Variants in RIT2 observed in about 807,000 individuals in gnomAD.
The protein encoded by RIT2 is Ras like without CAAX 2, also known as GTP-binding protein Rit2.
In RIT2, 24 loss-of-function variants were observed where a neutral mutation model predicts 23.7. The observed-to-expected ratio is 1.01, with a 90% CI of 0.73 to 1.43. RIT2 has a LOEUF of 1.43. RIT2 is among the 40% of genes most tolerant of loss of function. RIT2 has a pLI of 0.00. For missense variants in RIT2, 236 were observed against 266.9 expected (o/e 0.88, Z 0.81); for synonymous variants, 107 against 91.1 (o/e 1.17, Z -0.99).
At chr18:43,000,539 G>A (rs1911079517) in intron 2 of RIT2, among the ~76,000 whole-genome samples, 2 of 152,106 alleles carry the variant, frequency 1.3e-5, no homozygotes, top group East Asian at 3.9e-4. Flanking sequence ...CTATTGATAA[G>A]TGATATGGTT....
At chr18:42,882,672 T>TGCTTAGAG (rs1907925565) in intron 4 of RIT2, among the ~76,000 whole-genome samples, 1 of 152,188 alleles carries the variant, frequency 6.6e-6, no homozygotes, top group African/African-American at 2.4e-5. Context: ...TATGGGTCAA[T>TGCTTAGAG]CAGTGAAACT....
intron 4 of RIT2, among the ~76,000 whole-genome samples, chr18:42,799,522 T>C (rs1033799957): frequency 2.0e-5 from 3 of 152,222 alleles, no homozygotes; most frequent in African/African-American, 7.2e-5. Flanking sequence ...TAGTTACTTT[T>C]TTTCTCTCTC....
chr18:42,885,257 A>G (rs553954412), intron 4 of RIT2, among the ~76,000 whole-genome samples: 1 of 152,328 alleles, frequency 6.6e-6, no homozygotes, highest in Admixed American at 6.5e-5. Flanking sequence ...CAATAAAAAC[A>G]TTAATTACTA....
At chr18:43,012,372 T>C (rs4426437) in intron 2 of RIT2, among the ~76,000 whole-genome samples, 20,394 of 151,806 alleles carry the variant, frequency 0.13, 1,568 homozygotes, top group African/African-American at 0.2. Flanking sequence ...TATGAACTTT[T>C]CAGCACTGCA....
At chr18:42,810,721 A>C (rs557087894) in intron 4 of RIT2, among the ~76,000 whole-genome samples, 15 of 152,070 alleles carry the variant, frequency 9.9e-5, no homozygotes, top group South Asian at 6.2e-4. Flanking sequence ...CTTCAAGAGG[A>C]GAATAGGTGC....
intron 4 of RIT2, among the ~76,000 whole-genome samples, chr18:42,861,991 G>C (rs907861237): frequency 1.3e-5 from 2 of 152,180 alleles, no homozygotes; most frequent in Admixed American, 6.5e-5. Flanking sequence ...CTGGATGTTT[G>C]ATATTTAAGC....
At chr18:43,038,710 A>T (rs1419640223) in intron 1 of RIT2, among the ~76,000 whole-genome samples, 2 of 152,126 alleles carry the variant, frequency 1.3e-5, no homozygotes, top group Admixed American at 1.3e-4. Flanking sequence ...CTTGTAGTAC[A>T]TGTCAATGCT....
At chr18:42,961,451 T>C (rs1910091539) in intron 3 of RIT2, among the ~76,000 whole-genome samples, 1 of 152,198 alleles carries the variant, frequency 6.6e-6, no homozygotes, top group Non-Finnish European at 1.5e-5. Context: ...TGGACTCTTA[T>C]CAAGACTCAG....
intron 1 of RIT2, among the ~76,000 whole-genome samples, chr18:43,111,044 A>G (rs569378502): frequency 6.6e-6 from 1 of 152,280 alleles, no homozygotes; most frequent in South Asian, 2.1e-4. Context: ...TTTGGAAGTA[A>G]CTTAAGTGTC....
chr18:42,981,259 T>A (rs1460736942), intron 2 of RIT2, among the ~76,000 whole-genome samples: 1 of 152,156 alleles, frequency 6.6e-6, no homozygotes, highest in East Asian at 1.9e-4. Flanking sequence ...CCTAAGACCA[T>A]GATCTCTGCA....
chr18:43,084,001 T>C (rs755876506), intron 1 of RIT2, among the ~76,000 whole-genome samples: 1 of 152,140 alleles, frequency 6.6e-6, no homozygotes. Flanking sequence ...AAAGATCTAA[T>C]ATCCAGAATC....
chr18:42,901,630 A>T (rs1279876758), intron 4 of RIT2, among the ~76,000 whole-genome samples: 3 of 152,066 alleles, frequency 2.0e-5, no homozygotes, highest in Admixed American at 2.0e-4. Flanking sequence ...GTCACCATTT[A>T]AAAAATCTGT....
intron 1 of RIT2, among the ~76,000 whole-genome samples, chr18:43,053,796 G>A (rs973720686): frequency 5.9e-5 from 9 of 152,056 alleles, no homozygotes; most frequent in Non-Finnish European, 1.0e-4. Context: ...ATGGAGCATT[G>A]TTTTATGCTT....
intron 3 of RIT2, among the ~76,000 whole-genome samples, chr18:42,925,305 T>A (rs1438653882): frequency 6.6e-6 from 1 of 152,076 alleles, no homozygotes; most frequent in Non-Finnish European, 1.5e-5. Flanking sequence ...TGAAATCCTA[T>A]GTCGCAATCA....
intron 1 of RIT2, among the ~76,000 whole-genome samples, chr18:43,096,078 G>A (rs769519256): frequency 6.6e-6 from 1 of 151,924 alleles, no homozygotes; most frequent in Non-Finnish European, 1.5e-5. Context: ...CCGGAAAAGT[G>A]AGACTATTTC....
intron 2 of RIT2, among the ~76,000 whole-genome samples, chr18:43,003,947 G>A (rs1238651834): frequency 6.6e-6 from 1 of 151,034 alleles, no homozygotes; most frequent in Non-Finnish European, 1.5e-5. Flanking sequence ...ATGACCTTCT[G>A]TGGCAACAGG....
chr18:42,825,211 A>G (rs1906263280), intron 4 of RIT2, among the ~76,000 whole-genome samples: 1 of 151,898 alleles, frequency 6.6e-6, no homozygotes, highest in South Asian at 2.1e-4. Flanking sequence ...TATTAGTATA[A>G]GTATATGGAG....
chr18:42,995,628 T>A (rs530634789), intron 2 of RIT2, among the ~76,000 whole-genome samples: 395 of 152,290 alleles, frequency 2.6e-3, no homozygotes, highest in Admixed American at 4.3e-3. Context: ...AACGGACTAA[T>A]GGTCTTTTAA....
chr18:43,115,468 A>C lies in RIT2; in HGVS notation c.52T>G (p.Ser18Ala). Residue 18 changes from serine to alanine, a missense_variant, in exon 1 of 5, where the codon TCC becomes GCC. Ser to Ala is a moderately conservative substitution (Grantham distance 99). Coordinates refer to ENST00000326695, the MANE Select transcript of RIT2 (RefSeq NM_002930.4). The stretch of plus-strand genomic sequence containing the variant: ...AGCATTACCACCTTGTACTCTCTGG[A>C]CCCGCCTGATGCGCTGCCCGGGGAG... ...SCSPGSASGGSREYKVVMLGA... is the reference protein window; with the variant it reads ...SCSPGSASGGAREYKVVMLGA... 6.2e-7 allele frequency: 1 copy of C among 1,613,566 alleles called. No homozygotes were observed. The highest frequency in any genetic ancestry group is 8.5e-7 in the Non-Finnish European group (1 of 1,179,788).
Sources: allele counts gnomAD v4.1 joint callset (sites outside exome capture counted in the v4.1 genomes callset), GRCh38; gene constraint gnomAD v4.1.1; transcripts MANE v1.5; gene names NCBI Gene and HGNC (gene_info 2026-07-23, HGNC 2026-07-21).